The following DIS3L2 variants were observed in gnomAD, a reference collection of about 807,000 sequenced individuals.
DIS3L2 encodes the protein DIS3-like exonuclease 2.
DIS3L2 carries 34 observed loss-of-function variants against 97.5 expected under a neutral mutation model. The ratio of observed to expected loss-of-function variants is 0.35; its 90% CI spans 0.27 to 0.46. The LOEUF (loss-of-function observed/expected upper bound fraction) is 0.46. Among genes scored for constraint, DIS3L2 ranks in the 20% least tolerant of loss-of-function variants. The pLI is 1.00. For missense variants in DIS3L2, 1,038 were observed against 1,146.0 expected, an observed-to-expected ratio of 0.91 and a Z score of 1.36; for synonymous variants, 435 against 445.2, an observed-to-expected ratio of 0.98 and a Z score of 0.29.
chr2:231,973,640 C>T (rs751315707), intron 1 of DIS3L2, among the ~76,000 whole-genome samples: 2 of 152,116 alleles, frequency 1.3e-5, no homozygotes, highest in Admixed American at 1.3e-4. Flanking sequence ...GATCCTCCTG[C>T]GTAGACCTCC....
intron 13 of DIS3L2, among the ~76,000 whole-genome samples, chr2:232,270,864 CTCTCTCTCTCTCTCTCTCTCTCT>C (rs1693976242): frequency 4.8e-5 from 1 of 20,768 alleles, no homozygotes; most frequent in Admixed American, 3.5e-4. Flanking sequence ...TTTCTCGTCT[CTCTCTCTCTCTCTCTCTCTCTCT>C]CTCTCTCTCT....
At chr2:232,000,678 C>G (rs911275670) in intron 1 of DIS3L2, among the ~76,000 whole-genome samples, 10 of 125,232 alleles carry the variant, frequency 8.0e-5, no homozygotes, top group Admixed American at 2.6e-4. Context: ...CTCTCTTTCT[C>G]TCTTTCTGTC....
chr2:232,062,254 A>G (rs1329674182), intron 5 of DIS3L2, among the ~76,000 whole-genome samples: 1 of 152,058 alleles, frequency 6.6e-6, no homozygotes, highest in Non-Finnish European at 1.5e-5. Flanking sequence ...ACAGGCATTC[A>G]TGTTGTCATG....
At chr2:232,112,277 A>T (rs1697559857) in intron 6 of DIS3L2, among the ~76,000 whole-genome samples, 1 of 152,220 alleles carries the variant, frequency 6.6e-6, no homozygotes, top group South Asian at 2.1e-4. Flanking sequence ...ATGGGGCTGG[A>T]GGCCATTATC....
chr2:232,296,212 T>A (rs1238814914), intron 13 of DIS3L2, among the ~76,000 whole-genome samples: 1 of 152,182 alleles, frequency 6.6e-6, no homozygotes, highest in African/African-American at 2.4e-5. Flanking sequence ...TGAACACTTG[T>A]TGACTCTTCC....
intron 1 of DIS3L2, among the ~76,000 whole-genome samples, chr2:232,003,454 TA>T (rs1295468513): frequency 2.6e-5 from 4 of 152,250 alleles, no homozygotes; most frequent in African/African-American, 9.6e-5. Context: ...TTTGACTGCA[TA>T]TAGAATTGCA....
chr2:232,028,090 A>C (rs1694709006), intron 4 of DIS3L2, among the ~76,000 whole-genome samples: 1 of 152,172 alleles, frequency 6.6e-6, no homozygotes, highest in Non-Finnish European at 1.5e-5. Flanking sequence ...CTGTTCCATC[A>C]ATGAAGGATG....
rs969038406 is a variant in DIS3L2 at position 232,268,688 on chromosome 2, C to T, written c.1659+5248C>T. On this transcript the variant is annotated intron_variant, in intron 13 of 20. Coordinates refer to ENST00000325385, the MANE Select transcript of DIS3L2 (RefSeq NM_152383.5). The surrounding 1 kb of genome is among the most constrained non-coding windows in gnomAD (Gnocchi z 4.1). ...GCCATTTAAAAATGCATAAACCAGTCTTAGCTCATGGGTCATACAAAAGCA... is the reference window on the plus strand; with the variant it reads ...GCCATTTAAAAATGCATAAACCAGTTTTAGCTCATGGGTCATACAAAAGCA... Among the ~76,000 whole-genome samples, 2 of 152,226 alleles carry T rather than the reference C, an allele frequency of 1.3e-5. No individual in the cohort carries two copies. The highest frequency in any genetic ancestry group is 4.8e-5 in the African/African-American group (2 of 41,460).
chr2:232,206,290 A>T (rs1692023921), intron 9 of DIS3L2, among the ~76,000 whole-genome samples: 5 of 152,218 alleles, frequency 3.3e-5, no homozygotes, highest in South Asian at 4.1e-4. Flanking sequence ...GATCTTTTTT[A>T]AAAAAATTAA....
intron 9 of DIS3L2, among the ~76,000 whole-genome samples, chr2:232,166,490 C>T (rs1046663573): frequency 4.6e-5 from 7 of 152,210 alleles, no homozygotes; most frequent in Middle Eastern, 6.8e-3. Flanking sequence ...CTTTGGAAGG[C>T]GGAGGCTGGC....
At chr2:232,332,945 G>A (rs1244843327) in intron 16 of DIS3L2, among the ~76,000 whole-genome samples, 1 of 152,014 alleles carries the variant, frequency 6.6e-6, no homozygotes, top group Admixed American at 6.5e-5. Context: ...ATCGCATCCT[G>A]GGCTTTCTCT....
At position 232,276,197 on chromosome 2, in the gene DIS3L2, A is replaced by G. The variant is rs910123968; in HGVS notation, c.1659+12757A>G. ...GATGTGCTAATGAATAGCAGAGTCT[A>G]CTGGTTTCGAAGCACATTTGAACAG... On this transcript the variant is annotated intron_variant, in intron 13 of 20. Coordinates refer to ENST00000325385, the MANE Select transcript of DIS3L2 (RefSeq NM_152383.5). The surrounding 1 kb of genome is among the most constrained non-coding windows in gnomAD (Gnocchi z 4.4). Among the ~76,000 whole-genome samples, 1 of 152,230 alleles carries G rather than the reference A, an allele frequency of 6.6e-6. No homozygotes were observed. Among genetic ancestry groups the G allele is most frequent in the East Asian group, 1.9e-4 (1 of 5,202 alleles).
At chr2:232,340,806 C>T (rs1575032904), downstream of DIS3L2, 1 of 471,462 alleles carries the variant, frequency 2.1e-6, no homozygotes, top group South Asian at 1.5e-5. Context: ...TCTGCAAGCC[C>T]CTTGGTGTGC....
intron 11 of DIS3L2, among the ~76,000 whole-genome samples, chr2:232,242,496 C>T (rs1481177951): frequency 1.3e-5 from 2 of 152,178 alleles, no homozygotes; most frequent in East Asian, 3.9e-4. Context: ...CCTTCCTGCT[C>T]CTCCTTGCCT....
rs1695552415 is a variant in DIS3L2 at position 232,325,729 on chromosome 2, C to T, written c.1740-4084C>T. ...TTGCTGTTCTGGAAGGTGATGCTGG[C>T]TGGCAGCCATTCCCAGCCCCTCGGA... On this transcript the variant is annotated intron_variant, in intron 14 of 20. Coordinates refer to ENST00000325385, the MANE Select transcript of DIS3L2 (RefSeq NM_152383.5). The surrounding 1 kb of genome is among the most constrained non-coding windows in gnomAD (Gnocchi z 4.6). Among the ~76,000 whole-genome samples, 1 of 152,230 alleles carries T rather than the reference C, an allele frequency of 6.6e-6. No individual in the cohort carries two copies. The highest frequency in any genetic ancestry group is 1.5e-5 in the Non-Finnish European group (1 of 68,028).
intron 1 of DIS3L2, among the ~76,000 whole-genome samples, chr2:231,973,260 G>A (rs147960767): frequency 4.0e-5 from 6 of 148,650 alleles, no homozygotes; most frequent in Admixed American, 1.3e-4. Context: ...CAGAAGATCC[G>A]TATGTATATA....
intron 5 of DIS3L2, among the ~76,000 whole-genome samples, chr2:232,057,616 C>T (rs1003301574): frequency 2.6e-5 from 4 of 152,058 alleles, no homozygotes; most frequent in South Asian, 2.1e-4. Context: ...CCCAGGCTTC[C>T]GTTAGGACCC....
chr2:232,107,651 G>A (rs1209245226), intron 6 of DIS3L2, among the ~76,000 whole-genome samples: 1 of 152,078 alleles, frequency 6.6e-6, no homozygotes, highest in Non-Finnish European at 1.5e-5. Flanking sequence ...GTGAGCCGAG[G>A]TCTCGCCACT....
intron 6 of DIS3L2, among the ~76,000 whole-genome samples, chr2:232,119,521 A>G (rs989239766): frequency 7.2e-5 from 11 of 152,372 alleles, no homozygotes; most frequent in African/African-American, 2.2e-4. Flanking sequence ...ATGGAAGCAT[A>G]TAAGTGTATG....
Sources: allele counts gnomAD v4.1 joint callset (sites outside exome capture counted in the v4.1 genomes callset), GRCh38; gene constraint gnomAD v4.1.1; non-coding constraint Gnocchi (gnomAD v3.1); transcripts MANE v1.5; gene names NCBI Gene and HGNC (gene_info 2026-07-23, HGNC 2026-07-21).